The following DMD variants were observed in gnomAD, a reference collection of about 807,000 sequenced individuals.
DMD encodes the protein mutant dystrophin.
In DMD, 63 loss-of-function variants were observed where a neutral mutation model predicts 330.1. The ratio of observed to expected loss-of-function variants is 0.19; its 90% confidence interval spans 0.16 to 0.24. DMD has a LOEUF of 0.24. Ranked by LOEUF, DMD falls within the 10% of genes least tolerant of loss-of-function variation. DMD has a pLI of 1.00. For missense variants in DMD, 3,344 were observed against 2,684.1 expected (o/e 1.25, Z -5.43); for synonymous variants, 1,223 against 959.8 (o/e 1.27, Z -5.07).
chrX:32,499,358 T>C (rs1286659457), intron 19 of DMD, among the ~76,000 whole-genome samples: 1 of 111,861 alleles, frequency 8.9e-6, no homozygotes, highest in African/African-American at 3.2e-5. Flanking sequence ...ATATTTTCAC[T>C]GTGGTAAGCA....
chrX:31,774,070 C>G lies in DMD; in HGVS notation c.7432G>C (p.Ala2478Pro). 8.3e-7 allele frequency: 1 copy of G among 1,210,739 alleles called. No individual in the cohort carries two copies. Among genetic ancestry groups the G allele is most frequent in the Non-Finnish European group, 1.1e-6 (1 of 895,175 alleles). ...EVPALADFNR[A>P]WTELTDWLSL... Reference sequence around the variant, plus strand: ...AGCCAGTCGGTAAGTTCTGTCCAAGCCCGGTTGAAATCTGCCAGAGCAGGT... The same window carrying G: ...AGCCAGTCGGTAAGTTCTGTCCAAGGCCGGTTGAAATCTGCCAGAGCAGGT... The change falls in exon 51 of 79, where the codon GCT becomes CCT. Residue 2478 changes from alanine to proline, a missense_variant. Physicochemically the swap from Ala to Pro is conservative, Grantham distance 27. Coordinates refer to ENST00000357033, the MANE Select transcript of DMD (RefSeq NM_004006.3).
intron 1 of DMD, among the ~76,000 whole-genome samples, chrX:33,143,963 G>A (rs951013777): frequency 1.8e-5 from 2 of 111,316 alleles, no homozygotes; most frequent in Admixed American, 9.7e-5. Flanking sequence ...CCAAAGACTG[G>A]AATCTAAAGT....
At chrX:31,600,802 G>GT (rs530394628) in intron 55 of DMD, among the ~76,000 whole-genome samples, 7,371 of 97,379 alleles carry the variant, frequency 0.076, 231 homozygotes, top group African/African-American at 0.11. Flanking sequence ...TCTGCATGAT[G>GT]TTTTTTTTTT....
At chrX:31,530,085 T>C (rs1012108142) in intron 55 of DMD, among the ~76,000 whole-genome samples, 1 of 111,754 alleles carries the variant, frequency 8.9e-6, no homozygotes, top group Non-Finnish European at 1.9e-5. Context: ...TCCCCCTGTA[T>C]TTCATACCTG....
At chrX:31,162,182 C>A (rs1365853024) in intron 74 of DMD, among the ~76,000 whole-genome samples, 1 of 109,405 alleles carries the variant, frequency 9.1e-6, no homozygotes, top group Non-Finnish European at 1.9e-5. Flanking sequence ...TCTTTGTAGT[C>A]TCATAATTTT....
chrX:32,021,121 T>C (rs1380761877), intron 44 of DMD, among the ~76,000 whole-genome samples: 1 of 112,491 alleles, frequency 8.9e-6, no homozygotes, highest in Non-Finnish European at 1.9e-5. Context: ...AACACATGTG[T>C]GTTGTGGTTT....
At chrX:32,823,494 G>C (rs745686059) in intron 4 of DMD, 107 bp from the exon 5 acceptor site, 8 of 562,003 alleles carry the variant, frequency 1.4e-5, no homozygotes, top group Non-Finnish European at 2.4e-5. Context: ...TATTTTCAGA[G>C]ACTTAGCATT....
At chrX:31,344,037 C>CGGGGGGG (rs58479792) in intron 61 of DMD, among the ~76,000 whole-genome samples, 1 of 83,213 alleles carries the variant, frequency 1.2e-5, no homozygotes, top group Non-Finnish European at 2.4e-5. Flanking sequence ...GATTGGAGTG[C>CGGGGGGG]GGGGGGGGGT....
At chrX:33,107,481 G>A (rs2095301693) in intron 1 of DMD, among the ~76,000 whole-genome samples, 1 of 110,135 alleles carries the variant, frequency 9.1e-6, no homozygotes, top group African/African-American at 3.3e-5. Flanking sequence ...AATAGGATAG[G>A]GCACTGGAAA....
intron 44 of DMD, among the ~76,000 whole-genome samples, chrX:32,164,648 G>A (rs1375058893): frequency 8.9e-6 from 1 of 111,836 alleles, no homozygotes; most frequent in Non-Finnish European, 1.9e-5. Flanking sequence ...GCTGGCTGTA[G>A]AAATTTGCAT....
chrX:31,898,655 C>T (rs915664496), intron 47 of DMD, among the ~76,000 whole-genome samples: 1 of 111,730 alleles, frequency 9.0e-6, no homozygotes, highest in Non-Finnish European at 1.9e-5. Flanking sequence ...AGACCTAAAA[C>T]CATAAAAACC....
chrX:31,791,310 C>A (rs1005293171), intron 50 of DMD, among the ~76,000 whole-genome samples: 4 of 111,814 alleles, frequency 3.6e-5, no homozygotes, highest in Non-Finnish European at 7.5e-5. Context: ...TTAGAACCAA[C>A]TAAAGGTTGT....
intron 44 of DMD, among the ~76,000 whole-genome samples, chrX:31,984,310 G>A (rs1310807413): frequency 1.8e-5 from 2 of 112,101 alleles, no homozygotes; most frequent in Admixed American, 9.4e-5. Context: ...AGCATCCCTA[G>A]ATTAGATTAC....
chrX:31,796,686 T>A (rs1436447641), intron 50 of DMD, among the ~76,000 whole-genome samples: 1 of 111,795 alleles, frequency 8.9e-6, no homozygotes, highest in Non-Finnish European at 1.9e-5. Flanking sequence ...TCAGATGTTG[T>A]CCCCTCCAAA....
intron 13 of DMD, among the ~76,000 whole-genome samples, chrX:32,576,798 A>G (rs1459965404): frequency 1.8e-5 from 2 of 110,441 alleles, no homozygotes; most frequent in African/African-American, 6.6e-5. Flanking sequence ...CAACCTATTT[A>G]ACATAACTAT....
intron 2 of DMD, among the ~76,000 whole-genome samples, chrX:32,952,378 C>T (rs1022057349): frequency 7.2e-5 from 8 of 111,152 alleles, no homozygotes. Context: ...ATGATCCGCC[C>T]GCCTCTGCTT....
At chrX:32,357,107 T>G (rs756489465) in intron 37 of DMD, among the ~76,000 whole-genome samples, 5 of 111,679 alleles carry the variant, frequency 4.5e-5, no homozygotes, top group Non-Finnish European at 9.4e-5. Context: ...CAGGTTGATC[T>G]TCAACTCCTG....
At chrX:32,915,249 G>A (rs759052055) in intron 2 of DMD, among the ~76,000 whole-genome samples, 1 of 111,585 alleles carries the variant, frequency 9.0e-6, no homozygotes, top group Non-Finnish European at 1.9e-5. Flanking sequence ...TGAGGCCAGA[G>A]AACATGAGTG....
At chrX:32,615,129 A>C (rs183683299) in intron 11 of DMD, among the ~76,000 whole-genome samples, 1 of 111,522 alleles carries the variant, frequency 9.0e-6, no homozygotes, top group African/African-American at 3.2e-5. Context: ...TAAAACTAGT[A>C]ATATAAAAAC....
Sources: allele counts gnomAD v4.1 joint callset (sites outside exome capture counted in the v4.1 genomes callset), GRCh38; gene constraint gnomAD v4.1.1; transcripts MANE v1.5; gene names NCBI Gene and HGNC (gene_info 2026-07-23, HGNC 2026-07-21).